KLF8: variants seen among roughly 807,000 people sequenced by gnomAD.
The protein encoded by KLF8 is KLF transcription factor 8.
Under a neutral mutation model 18.2 loss-of-function variants are expected in KLF8, and 10 were observed. The observed-to-expected ratio is 0.55, with a 90% CI of 0.34 to 0.93. KLF8 has a LOEUF of 0.93. KLF8 is among the 40% of genes least tolerant of loss of function. KLF8 has a pLI of 0.02. For synonymous variants in KLF8, 109 were observed against 97.3 expected, an observed-to-expected ratio of 1.12 and a Z score of -0.71; for missense variants, 264 against 277.9, an observed-to-expected ratio of 0.95 and a Z score of 0.36.
At chrX:56,083,268 G>A in the KLF8 span, among the ~76,000 whole-genome samples, 1 of 111,944 alleles carries the variant, frequency 8.9e-6, no homozygotes, top group African/African-American at 3.2e-5. Flanking sequence ...GGAAACAAAA[G>A]TTATGAGGTT....
chrX:56,112,018 A>G, the KLF8 span, among the ~76,000 whole-genome samples: 15 of 111,865 alleles, frequency 1.3e-4, no homozygotes, highest in African/African-American at 4.6e-4. Context: ...TTCTACTATA[A>G]AGACATATGC....
the KLF8 span, among the ~76,000 whole-genome samples, chrX:56,043,205 C>T: frequency 9.1e-6 from 1 of 110,479 alleles, no homozygotes; most frequent in Admixed American, 9.7e-5. Flanking sequence ...TGATAGGCTT[C>T]CCTTTGTAGG....
the KLF8 span, among the ~76,000 whole-genome samples, chrX:56,079,907 C>T: frequency 5.4e-5 from 6 of 111,113 alleles, no homozygotes; most frequent in Admixed American, 5.7e-4. Context: ...ATGTGATGGC[C>T]TTCTTTGTCT....
chrX:56,163,619 G>T, the KLF8 span, among the ~76,000 whole-genome samples: 3 of 111,792 alleles, frequency 2.7e-5, no homozygotes, highest in East Asian at 2.8e-4. Flanking sequence ...GTTGATTTTT[G>T]ATTTGTTGCA....
At chrX:56,268,882 C>T (rs1226561161) in intron 3 of KLF8, 30 of 929,459 alleles carry the variant, frequency 3.2e-5, no homozygotes, top group African/African-American at 6.2e-5. Flanking sequence ...GGTAGGTATA[C>T]GTTTCATCTC....
chrX:56,117,243 C>T, the KLF8 span, among the ~76,000 whole-genome samples: 4 of 112,082 alleles, frequency 3.6e-5, no homozygotes, highest in East Asian at 1.1e-3. Context: ...TTTCAACTTC[C>T]CCCTTATATA....
the KLF8 span, among the ~76,000 whole-genome samples, chrX:56,049,710 A>T: frequency 4.4e-4 from 48 of 107,994 alleles, no homozygotes; most frequent in Admixed American, 3.8e-3. Flanking sequence ...TTCATCAAGG[A>T]TATTGGTCTA....
At chrX:56,038,607 C>T in the KLF8 span, among the ~76,000 whole-genome samples, 2 of 112,471 alleles carry the variant, frequency 1.8e-5, no homozygotes, top group African/African-American at 6.5e-5. Context: ...TTTCTTTATC[C>T]AGTCTATCAT....
At chrX:55,932,248 G>A in the KLF8 span, among the ~76,000 whole-genome samples, 1 of 106,078 alleles carries the variant, frequency 9.4e-6, no homozygotes, top group South Asian at 4.1e-4. Flanking sequence ...CCTTTATTTT[G>A]AGCCTATGTG....
the KLF8 span, among the ~76,000 whole-genome samples, chrX:56,058,158 G>A: frequency 1.0e-4 from 7 of 70,093 alleles, no homozygotes; most frequent in African/African-American, 4.6e-4. Context: ...CCAGTGTTGG[G>A]CATATATATA....
At chrX:56,170,085 T>C in the KLF8 span, among the ~76,000 whole-genome samples, 1 of 111,023 alleles carries the variant, frequency 9.0e-6, no homozygotes, top group Non-Finnish European at 1.9e-5. Context: ...TTCAAAAACA[T>C]CAAGATGGTA....
chrX:56,074,977 T>A, the KLF8 span, among the ~76,000 whole-genome samples: 1 of 110,932 alleles, frequency 9.0e-6, no homozygotes, highest in Non-Finnish European at 1.9e-5. Context: ...TTATGGGTAT[T>A]TAGTAGGTGT....
chrX:56,014,029 A>G, the KLF8 span, among the ~76,000 whole-genome samples: 1 of 112,033 alleles, frequency 8.9e-6, no homozygotes, highest in Non-Finnish European at 1.9e-5. Flanking sequence ...AACTATAAAA[A>G]TCCTAAAAGA....
chrX:56,184,814 C>G, the KLF8 span, among the ~76,000 whole-genome samples: 5 of 112,241 alleles, frequency 4.5e-5, no homozygotes, highest in African/African-American at 1.6e-4. Flanking sequence ...AGCTGAGGGT[C>G]CTGTCTGTTA....
the KLF8 span, among the ~76,000 whole-genome samples, chrX:56,090,430 A>G: frequency 1.8e-5 from 2 of 112,118 alleles, no homozygotes; most frequent in African/African-American, 6.5e-5. Context: ...CACAGAATAA[A>G]CATTAGAATC....
chrX:56,190,867 G>A, the KLF8 span, among the ~76,000 whole-genome samples: 1 of 110,922 alleles, frequency 9.0e-6, no homozygotes, highest in African/African-American at 3.3e-5. Flanking sequence ...CAAAAGACAA[G>A]GTAAGCTTTA....
the KLF8 span, among the ~76,000 whole-genome samples, chrX:56,156,980 A>C: frequency 9.1e-6 from 1 of 109,625 alleles, no homozygotes; most frequent in East Asian, 2.9e-4. Context: ...ACCTGGAATC[A>C]ACCCAAATGT....
At chrX:56,050,168 A>C in the KLF8 span, among the ~76,000 whole-genome samples, 4 of 109,150 alleles carry the variant, frequency 3.7e-5, no homozygotes, top group Non-Finnish European at 7.6e-5. Flanking sequence ...TTTCTTCTTT[A>C]TTAGTCTTGC....
chrX:55,982,595 T>C, the KLF8 span, among the ~76,000 whole-genome samples: 1 of 111,851 alleles, frequency 8.9e-6, no homozygotes, highest in African/African-American at 3.2e-5. Context: ...ATGGTTAAAA[T>C]TGGGGGTTCT....
Sources: allele counts gnomAD v4.1 joint callset (sites outside exome capture counted in the v4.1 genomes callset), GRCh38; gene constraint gnomAD v4.1.1; transcripts MANE v1.5; gene names NCBI Gene and HGNC (gene_info 2026-07-23, HGNC 2026-07-21).